The following FBXO34 variants were observed in gnomAD, a reference collection of about 807,000 sequenced individuals.
FBXO34 encodes F-box protein 34, also known as F-box only protein 34.
A neutral mutation model predicts 24.5 loss-of-function variants in FBXO34; 12 were observed. The ratio of observed to expected loss-of-function variants is 0.49; its 90% confidence interval spans 0.31 to 0.79. FBXO34 has a LOEUF of 0.79. Ranked by LOEUF, FBXO34 falls within the 30% of genes least tolerant of loss-of-function variation. The pLI, the probability that FBXO34 is intolerant of heterozygous loss-of-function variation, is 0.04. For synonymous variants in FBXO34, 320 were observed against 311.9 expected (o/e 1.03, Z -0.27); for missense variants, 823 against 857.7 (o/e 0.96, Z 0.51).
In FBXO34 at chr14:55,350,433, C is replaced by T. The variant is rs759021088; in HGVS notation, c.43C>T (p.Pro15Ser). 1.2e-6 allele frequency: 2 copies of T among 1,601,596 alleles called. No homozygotes were observed. Among genetic ancestry groups the T allele is most frequent in the South Asian group, 1.1e-5 (1 of 89,420 alleles). The change falls in exon 2 of 2, where the codon CCC becomes TCC. Residue 15 changes from proline to serine, a missense_variant. Pro to Ser is a moderately conservative substitution (Grantham distance 74). Coordinates refer to ENST00000313833, the MANE Select transcript of FBXO34 (RefSeq NM_017943.4). Reference protein sequence around the residue: ...PYWKLQKKEHPPEVSRETQRT... With the variant: ...PYWKLQKKEHSPEVSRETQRT... ...TTGGAAGCTCCAGAAGAAAGAGCAC[C>T]CCCCGGAAGTCAGCAGGGAAACGCA...
chr14:55,363,045 G>A (rs1268753003), downstream of FBXO34, among the ~76,000 whole-genome samples: 13 of 145,986 alleles, frequency 8.9e-5, no homozygotes, highest in African/African-American at 2.5e-4. Context: ...TTTTGGAGAC[G>A]GAGTTTCGCT....
At chr14:55,354,055 A>G (rs1395974550), downstream of FBXO34, among the ~76,000 whole-genome samples, 1 of 152,184 alleles carries the variant, frequency 6.6e-6, no homozygotes, top group Non-Finnish European at 1.5e-5. Context: ...CAGGCTGTGG[A>G]GAAGGATGGT....
the FBXO34 span, among the ~76,000 whole-genome samples, chr14:55,399,693 G>C: frequency 6.6e-6 from 1 of 152,200 alleles, no homozygotes; most frequent in African/African-American, 2.4e-5. Flanking sequence ...ACAACAGGGT[G>C]ATTTATGTTC....
At chr14:55,344,255 T>C (rs1186674242) in intron 1 of FBXO34, among the ~76,000 whole-genome samples, 1 of 152,178 alleles carries the variant, frequency 6.6e-6, no homozygotes, top group Non-Finnish European at 1.5e-5. Flanking sequence ...ACCAGGGGTC[T>C]TTATCACCAA....
intron 1 of FBXO34, among the ~76,000 whole-genome samples, chr14:55,312,381 T>G (rs1445555291): frequency 6.6e-6 from 1 of 152,136 alleles, no homozygotes; most frequent in Non-Finnish European, 1.5e-5. Context: ...TCTATGGCTT[T>G]TCTAGAAGCA....
chr14:55,274,646 T>C (rs1881273941), intron 1 of FBXO34, among the ~76,000 whole-genome samples: 1 of 152,210 alleles, frequency 6.6e-6, no homozygotes, highest in Non-Finnish European at 1.5e-5. Context: ...CAGGATATGT[T>C]TATTGGATCA....
downstream of FBXO34, among the ~76,000 whole-genome samples, chr14:55,372,707 A>G (rs1022507477): frequency 2.7e-5 from 4 of 148,330 alleles, no homozygotes. Context: ...CCTTTTTACC[A>G]CAGCTCCTTC....
chr14:55,368,844 G>A (rs913500188), downstream of FBXO34: 5 of 152,300 alleles, frequency 3.3e-5, no homozygotes. Flanking sequence ...AATGCTCATA[G>A]TGTGGATGGC....
the FBXO34 span, chr14:55,435,809 A>G: frequency 7.6e-7 from 1 of 1,319,104 alleles, no homozygotes; most frequent in African/African-American, 1.5e-5. Flanking sequence ...AAATCTAAAG[A>G]GAAGCTAATT....
the FBXO34 span, among the ~76,000 whole-genome samples, chr14:55,381,577 T>A: frequency 1.3e-5 from 2 of 152,222 alleles, no homozygotes; most frequent in Non-Finnish European, 2.9e-5. Flanking sequence ...TAAAAACGAA[T>A]GAAACACTAA....
At chr14:55,303,021 T>A (rs1882416426) in intron 1 of FBXO34, among the ~76,000 whole-genome samples, 1 of 152,238 alleles carries the variant, frequency 6.6e-6, no homozygotes, top group East Asian at 1.9e-4. Flanking sequence ...CAGCAGTGTT[T>A]TGCCTCCTAA....
At chr14:55,338,048 C>G (rs200424527) in intron 1 of FBXO34, among the ~76,000 whole-genome samples, 2 of 88,266 alleles carry the variant, frequency 2.3e-5, no homozygotes, top group East Asian at 4.4e-4. Context: ...GTATGTACTT[C>G]TTTTTTTTTT....
intron 1 of FBXO34, among the ~76,000 whole-genome samples, chr14:55,282,020 C>G (rs1453217510): frequency 2.4e-5 from 1 of 42,164 alleles, no homozygotes; most frequent in Admixed American, 2.7e-4. Flanking sequence ...TTTTTTGATA[C>G]AGAGTCTTAT....
the FBXO34 span, among the ~76,000 whole-genome samples, chr14:55,403,025 T>C: frequency 7.6e-6 from 1 of 132,262 alleles, no homozygotes; most frequent in Admixed American, 8.1e-5. Context: ...GAGGCTCAGG[T>C]AGGAGGATCA....
intron 1 of FBXO34, among the ~76,000 whole-genome samples, chr14:55,323,420 G>A (rs572265133): frequency 1.3e-5 from 2 of 148,792 alleles, no homozygotes; most frequent in East Asian, 4.0e-4. Context: ...ATCTCGCTCT[G>A]TCCCCAGGCT....
At chr14:55,418,584 CCACT>C in the FBXO34 span, among the ~76,000 whole-genome samples, 1 of 152,038 alleles carries the variant, frequency 6.6e-6, no homozygotes, top group African/African-American at 2.4e-5. Flanking sequence ...TGTCTCTGGC[CCACT>C]CACTAACAAG....
chr14:55,305,321 G>A (rs1468098912), intron 1 of FBXO34, among the ~76,000 whole-genome samples: 1 of 151,420 alleles, frequency 6.6e-6, no homozygotes, highest in Non-Finnish European at 1.5e-5. Context: ...CTGAGGCAGG[G>A]GAATAATCAC....
chr14:55,389,909 C>T, the FBXO34 span, among the ~76,000 whole-genome samples: 2 of 151,268 alleles, frequency 1.3e-5, no homozygotes, highest in Non-Finnish European at 2.9e-5. Context: ...ATAAAGTGTA[C>T]AAATATGATG....
At chr14:55,380,689 G>T in the FBXO34 span, 1 of 1,590,534 alleles carries the variant, frequency 6.3e-7, no homozygotes, top group Non-Finnish European at 8.6e-7. Context: ...TCTGCTCCAT[G>T]TCTGCAGTAA....
Sources: allele counts gnomAD v4.1 joint callset (sites outside exome capture counted in the v4.1 genomes callset), GRCh38; gene constraint gnomAD v4.1.1; transcripts MANE v1.5; gene names NCBI Gene and HGNC (gene_info 2026-07-23, HGNC 2026-07-21).